The following PUM1 variants were observed in gnomAD, a reference collection of about 807,000 sequenced individuals.
PUM1 encodes the protein pumilio RNA binding family member 1.
Under a neutral mutation model 131.8 loss-of-function variants are expected in PUM1, and 13 were observed. The ratio of observed to expected loss-of-function variants is 0.10; its 90% CI spans 0.06 to 0.16. The LOEUF (loss-of-function observed/expected upper bound fraction) is 0.16. PUM1 is among the 10% of genes least tolerant of loss of function. The pLI is 1.00. For missense variants in PUM1, 961 were observed against 1,512.4 expected (o/e 0.64, Z 6.05); for synonymous variants, 509 against 556.5 (o/e 0.91, Z 1.20).
intron 16 of PUM1, among the ~76,000 whole-genome samples, chr1:30,950,514 A>G (rs115230181): frequency 0.013 from 1,949 of 152,372 alleles, 13 homozygotes; most frequent in Non-Finnish European, 0.021. Context: ...TTCACTATTA[A>G]TATCTGCTAA....
intron 5 of PUM1, 117 bp from the exon 6 acceptor site, chr1:30,995,337 TCACA>T: frequency 9.1e-7 from 1 of 1,094,682 alleles, no homozygotes; most frequent in Non-Finnish European, 1.3e-6. Context: ...TTGTGCCCTT[TCACA>T]CATTACAATC....
chr1:30,933,430 A>T, intron 21 of PUM1, 88 bp from the exon 22 acceptor site: 1 of 822,772 alleles, frequency 1.2e-6, no homozygotes, highest in East Asian at 2.7e-5. Context: ...GTCATGCATC[A>T]CACACACATA....
intron 11 of PUM1, 93 bp from the exon 12 acceptor site, chr1:30,967,403 T>C (rs1640666094): frequency 7.3e-6 from 10 of 1,364,752 alleles, no homozygotes; most frequent in African/African-American, 1.4e-5. Flanking sequence ...AAACTCAGCT[T>C]TGAGGTTGAA....
At chr1:31,038,984 A>ATATATATTTTTT in intron 2 of PUM1, among the ~76,000 whole-genome samples, 7 of 49,412 alleles carry the variant, frequency 1.4e-4, no homozygotes, top group African/African-American at 4.1e-4. Flanking sequence ...ATATATATAT[A>ATATATATTTTTT]TTTTTTTTTT....
chr1:30,999,939 C>T (rs1642143858), intron 5 of PUM1, among the ~76,000 whole-genome samples: 1 of 152,180 alleles, frequency 6.6e-6, no homozygotes, highest in Non-Finnish European at 1.5e-5. Flanking sequence ...AGTATACGGC[C>T]AATATGGCCC....
At position 30,943,187 on chromosome 1, in the gene PUM1, C is replaced by G. The variant is rs1639529730; in HGVS notation, c.2995-1064G>C. Among the ~76,000 whole-genome samples, 4 of 152,140 alleles carry G rather than the reference C, an allele frequency of 2.6e-5. No individual in the cohort carries two copies. The South Asian group carries it at 8.3e-4, about 31-fold the overall frequency. ...GTCTGGAGCAACTTGATTTATTTCA[C>G]TCAACATTATGATTCCCATGTTCAT... On this transcript the variant is annotated intron_variant, in intron 18 of 21. Coordinates refer to ENST00000426105, the MANE Select transcript of PUM1 (RefSeq NM_001020658.2).
rs1453793186 is a variant in PUM1 at position 31,005,844 on chromosome 1, C to T, written c.720+9G>A. 1 of 1,573,128 alleles carries T rather than the reference C, an allele frequency of 6.4e-7. No individual in the cohort carries two copies. On this transcript the variant is annotated intron_variant, in intron 5 of 21. Transcript: ENST00000426105. ...GAGAGATAGGAACAAGTTCCTCAAG[C>T]CAACTTACAAATCCTCCTTTTCTTA...
intron 14 of PUM1, among the ~76,000 whole-genome samples, chr1:30,956,028 A>G (rs1170120579): frequency 6.6e-6 from 1 of 152,222 alleles, no homozygotes; most frequent in Admixed American, 6.5e-5. Context: ...CCAAAGATAC[A>G]AAACCCAAAA....
chr1:31,060,662 TA>T (rs1223693283), intron 1 of PUM1, among the ~76,000 whole-genome samples: 2 of 150,784 alleles, frequency 1.3e-5, no homozygotes, highest in East Asian at 4.0e-4. Flanking sequence ...AAGGCAGGTG[TA>T]TCACTTGAGG....
At chr1:31,060,254 A>G (rs989102989) in intron 1 of PUM1, among the ~76,000 whole-genome samples, 2 of 150,634 alleles carry the variant, frequency 1.3e-5, no homozygotes, top group Non-Finnish European at 3.0e-5. Context: ...TGACGTCAGG[A>G]GTTCAAGACC....
chr1:30,996,037 G>A (rs996021643), intron 5 of PUM1, among the ~76,000 whole-genome samples: 2 of 152,074 alleles, frequency 1.3e-5, no homozygotes, highest in African/African-American at 2.4e-5. Flanking sequence ...TCCTCTTACC[G>A]ACATCCCAAG....
At chr1:31,062,398 G>A (rs995354204) in intron 1 of PUM1, among the ~76,000 whole-genome samples, 1 of 152,240 alleles carries the variant, frequency 6.6e-6, no homozygotes, top group Non-Finnish European at 1.5e-5. Context: ...GGAGGCAGGC[G>A]CATCTCCAGG....
chr1:31,055,706 C>T (rs1644220689), intron 2 of PUM1, among the ~76,000 whole-genome samples: 1 of 152,206 alleles, frequency 6.6e-6, no homozygotes, highest in Non-Finnish European at 1.5e-5. Context: ...CTCAGTAAGT[C>T]AGATGTGATT....
rs987864726 is a variant in PUM1 at position 30,980,284 on chromosome 1, G to T, written c.1253-121C>A. The T allele has an allele frequency of 2.4e-5, 19 of 776,820 alleles. No homozygotes were observed. In the Admixed American group the frequency reaches 3.9e-4, roughly 16 times the overall value. The allele number at this position is 776,820 out of a possible 1,614,324, so 48.1% of individuals were successfully genotyped here. On this transcript the variant is annotated intron_variant, in intron 8 of 21. Transcript: ENST00000426105. Reference sequence around the variant, plus strand: ...ATAAGGAAAAAATGAAAAAAGAGAAGACGGGACAGGTTGAGGGTAAAGAGA... The same window carrying T: ...ATAAGGAAAAAATGAAAAAAGAGAATACGGGACAGGTTGAGGGTAAAGAGA...
chr1:31,060,789 G>A (rs1367660161), intron 1 of PUM1, among the ~76,000 whole-genome samples: 1 of 151,768 alleles, frequency 6.6e-6, no homozygotes, highest in African/African-American at 2.4e-5. Flanking sequence ...GGGAAGCTGA[G>A]GCAGGAGAAT....
intron 2 of PUM1, among the ~76,000 whole-genome samples, chr1:31,031,673 T>C (rs1484926117): frequency 1.3e-5 from 2 of 152,232 alleles, no homozygotes; most frequent in Non-Finnish European, 2.9e-5. Context: ...TACATAAAAC[T>C]GCTGTCAGTT....
chr1:30,976,172 C>T (rs777356993), intron 9 of PUM1, among the ~76,000 whole-genome samples: 1 of 151,828 alleles, frequency 6.6e-6, no homozygotes, highest in Non-Finnish European at 1.5e-5. Context: ...CAGCTGCAGT[C>T]GGCCACATAA....
chr1:30,979,892 G>C (rs981134205), intron 9 of PUM1, among the ~76,000 whole-genome samples, 170 bp downstream of exon 9: 2 of 152,120 alleles, frequency 1.3e-5, no homozygotes, highest in African/African-American at 4.8e-5. Flanking sequence ...AAGTCTGAGG[G>C]GCCTATGATA....
In PUM1 at chr1:30,981,585, GTC is replaced by G. The variant is rs376521526; in HGVS notation, c.1159-182_1159-181del. On this transcript the variant is annotated intron_variant, in intron 7 of 21. Transcript: ENST00000426105. ...AATGTTTCATACTTCTGTTCTCCCTGTCTCTCTTTCTTTACTTCAATTTACTG... is the reference window on the plus strand; with the variant it reads ...AATGTTTCATACTTCTGTTCTCCCTGTCTCTTTCTTTACTTCAATTTACTG... 1.8e-4 allele frequency among the ~76,000 whole-genome samples: 27 copies of G among 152,088 alleles called. 1 individual carries two copies. The highest frequency in any genetic ancestry group is 1.1e-3 in the Admixed American group (17 of 15,272).
Sources: allele counts gnomAD v4.1 joint callset (sites outside exome capture counted in the v4.1 genomes callset), GRCh38; gene constraint gnomAD v4.1.1; transcripts MANE v1.5; gene names NCBI Gene and HGNC (gene_info 2026-07-23, HGNC 2026-07-21).